The following SAMM50 variants were observed in gnomAD, a reference collection of about 807,000 sequenced individuals.
The protein encoded by SAMM50 is sorting and assembly machinery component 50 homolog.
Under a neutral mutation model 66.9 loss-of-function variants are expected in SAMM50, and 47 were observed. The observed-to-expected ratio is 0.70, with a 90% CI of 0.56 to 0.90. The LOEUF (loss-of-function observed/expected upper bound fraction) is 0.90, where lower values mean the gene tolerates loss of function less well. Among genes scored for constraint, SAMM50 ranks in the 40% least tolerant of loss-of-function variants. The pLI, the probability that SAMM50 is intolerant of heterozygous loss-of-function variation, is 0.00. For synonymous variants in SAMM50, 191 were observed against 214.1 expected, an observed-to-expected ratio of 0.89 and a Z score of 0.94; for missense variants, 535 against 595.3, an observed-to-expected ratio of 0.90 and a Z score of 1.05.
chr22:43,996,504 C>T lies in SAMM50; in HGVS notation c.*121C>T. On this transcript the variant is annotated 3_prime_UTR_variant, in exon 15 of 15. Transcript: ENST00000350028. ...TGACTGCGGACCCTGTGGGAAACCC[C>T]GTCAATAAATGTTAAAGACACACTC... 1 of 955,902 alleles carries T rather than the reference C, an allele frequency of 1.0e-6. No homozygotes were observed. The highest frequency in any genetic ancestry group is 1.7e-6 in the Non-Finnish European group (1 of 586,710). 59.2% of individuals were successfully genotyped at this position (955,902 alleles called of 1,614,324 possible). A position where few individuals can be genotyped will look rare whatever the true frequency, so the allele number is the denominator to read the frequency against.
Position 43,977,916 on chromosome 22 carries a change from A to T in SAMM50, c.894A>T (p.Glu298Asp). 4 of 1,613,490 alleles carry T rather than the reference A, an allele frequency of 2.5e-6. No homozygotes were observed. The highest frequency in any genetic ancestry group is 3.4e-6 in the Non-Finnish European group (4 of 1,179,704). Residue 298 changes from glutamate (E) to aspartate (D), a missense_variant, in exon 10 of 15, where the codon GAA (glutamate) becomes GAT (aspartate). Glu to Asp is a conservative substitution (Grantham distance 45, BLOSUM62 2). Transcript: ENST00000350028. ...YTGGDVSFIK[E>D]DFELQLNKQL... ...GCGGGGATGTGAGCTTCATCAAAGA[A>T]GATTTTGAACTTCAGTTGAACAAGC... is the stretch of plus-strand genomic sequence containing the variant.
rs764505285 is a variant in SAMM50, at chr22:43,973,203, C to G, written c.561-33C>G. ...TGTGTGCAAGTTCTAATCACTGTTTCAGCTTTTAAAGCTCTATCCCATTGT... is the reference window on the plus strand; with the variant it reads ...TGTGTGCAAGTTCTAATCACTGTTTGAGCTTTTAAAGCTCTATCCCATTGT... On this transcript the variant is annotated intron_variant, in intron 6 of 14. Coordinates refer to ENST00000350028, the MANE Select transcript of SAMM50 (RefSeq NM_015380.5). The G allele has an allele frequency of 3.8e-5, 54 of 1,424,624 alleles. No homozygotes were observed. In the East Asian group the frequency reaches 1.2e-3, roughly 31 times the overall value. 88.2% of individuals were successfully genotyped at this position (1,424,624 alleles called of 1,614,324 possible).
intron 1 of SAMM50, among the ~76,000 whole-genome samples, chr22:43,959,709 C>G (rs1238056951): frequency 1.3e-5 from 2 of 152,090 alleles, no homozygotes; most frequent in Non-Finnish European, 2.9e-5. Context: ...CAAACACTCA[C>G]CCCATGCCTA....
chr22:43,957,919 C>T (rs962979879), intron 1 of SAMM50, among the ~76,000 whole-genome samples: 8 of 152,002 alleles, frequency 5.3e-5, no homozygotes, highest in Admixed American at 3.9e-4. Context: ...CCACCATGTT[C>T]GGCTAATTTT....
At chr22:43,976,368 T>C (rs2050232209) in intron 8 of SAMM50, among the ~76,000 whole-genome samples, 185 bp downstream of exon 8, 1 of 152,190 alleles carries the variant, frequency 6.6e-6, no homozygotes, top group Non-Finnish European at 1.5e-5. Context: ...TTCCGAATAA[T>C]GTCAGTGGTA....
chr22:43,981,310 T>G, intron 10 of SAMM50, 81 bp from the exon 11 acceptor site: 1 of 1,074,442 alleles, frequency 9.3e-7, no homozygotes, highest in Non-Finnish European at 1.4e-6. Flanking sequence ...GCATTCAGTG[T>G]GTGGCCAGTT....
At chr22:43,988,247 G>A (rs1196992154) in intron 12 of SAMM50, 6 of 152,184 alleles carry the variant, frequency 3.9e-5, no homozygotes. Flanking sequence ...AGGGATTAAG[G>A]AGATGTTGGT....
In SAMM50 at chr22:43,987,587, T is replaced by G. The variant is rs940372843; in HGVS notation, c.1076-1524T>G. 3 of 152,310 alleles carry G rather than the reference T, an allele frequency of 2.0e-5. No homozygotes were observed. The South Asian group carries it at 6.2e-4, about 32-fold the overall frequency. The allele number at this position is 152,310 out of a possible 1,614,324, so 9.4% of individuals were successfully genotyped here. On this transcript the variant is annotated intron_variant, in intron 12 of 14. Coordinates refer to ENST00000350028, the MANE Select transcript of SAMM50 (RefSeq NM_015380.5). The stretch of plus-strand genomic sequence containing the variant: ...GTGCTTGGTTTCTTGGTCCTGGTGC[T>G]CTCTGGGCAGATGTGTTTCAGATAT...
rs541414480 is a variant in SAMM50 at position 43,973,065 on chromosome 22, T to C, written c.560+64T>C. 12 of 1,557,924 alleles carry C rather than the reference T, an allele frequency of 7.7e-6. No homozygotes were observed. The Admixed American group carries it at 1.4e-4, about 19-fold the overall frequency. On this transcript the variant is annotated intron_variant, in intron 6 of 14. Transcript: ENST00000350028. ...TAGAAAAGTTAAAATAGGTGGCTTA[T>C]TTGTGAAAAGAACCATGACAGAATC...
At chr22:43,958,723 C>T (rs533889282) in intron 1 of SAMM50, among the ~76,000 whole-genome samples, 11 of 152,084 alleles carry the variant, frequency 7.2e-5, no homozygotes, top group Admixed American at 2.0e-4. Flanking sequence ...GTGATCCACC[C>T]GCCTCAGCCT....
chr22:43,972,354 G>C lies in SAMM50; in HGVS notation c.429+12G>C. On this transcript the variant is annotated intron_variant, in intron 5 of 14. Transcript: ENST00000350028. ...ATGAAGGCAGTATGGTATGCTACAG[G>C]CTTTTTACTTTCTTATATTGGAACT... 1 of 1,469,752 alleles carries C rather than the reference G, an allele frequency of 6.8e-7. No homozygotes were observed. Among genetic ancestry groups the C allele is most frequent in the Non-Finnish European group, 9.2e-7 (1 of 1,083,396 alleles). 91.0% of individuals were successfully genotyped at this position (1,469,752 alleles called of 1,614,324 possible).
rs147696952 is a variant in SAMM50 at position 43,971,749 on chromosome 22, C to T, written c.323-487C>T. 7.3e-3 allele frequency among the ~76,000 whole-genome samples: 1,106 copies of T among 151,918 alleles called. 8 individuals carry two copies. Among genetic ancestry groups the T allele is most frequent in the African/African-American group, 0.025 (1,050 of 41,378 alleles). On this transcript the variant is annotated intron_variant, in intron 4 of 14. Coordinates refer to ENST00000350028, the MANE Select transcript of SAMM50 (RefSeq NM_015380.5). Reference sequence around the variant, plus strand: ...TTTTAGAGACAGGGTCTTGCTCTGTCGTCCGGGCTGGAATGCAGTGGCACA... The same window carrying T: ...TTTTAGAGACAGGGTCTTGCTCTGTTGTCCGGGCTGGAATGCAGTGGCACA...
At chr22:43,956,602 G>A (rs565274989) in intron 1 of SAMM50, among the ~76,000 whole-genome samples, 4 of 152,212 alleles carry the variant, frequency 2.6e-5, no homozygotes, top group Admixed American at 6.5e-5. Flanking sequence ...TTGCAGGGCC[G>A]CTGAACGAGG....
intron 14 of SAMM50, among the ~76,000 whole-genome samples, chr22:43,992,458 C>T (rs1488263672): frequency 6.6e-6 from 1 of 152,212 alleles, no homozygotes; most frequent in Non-Finnish European, 1.5e-5. Context: ...CCCACAACCG[C>T]CAGCTCCCAT....
intron 7 of SAMM50, 117 bp from the exon 8 acceptor site, chr22:43,975,938 A>T: frequency 1.9e-6 from 2 of 1,057,118 alleles, no homozygotes; most frequent in Non-Finnish European, 2.7e-6. Context: ...CTCTCTCATC[A>T]TTAAAAAAAA....
chr22:43,988,931 G>C, intron 12 of SAMM50, 180 bp from the exon 13 acceptor site: 1 of 518,908 alleles, frequency 1.9e-6, no homozygotes, highest in Non-Finnish European at 3.3e-6. Flanking sequence ...AGGAGAAAAA[G>C]AAAGATTATT....
chr22:43,978,074 C>G, intron 10 of SAMM50, 116 bp downstream of exon 10: 1 of 669,430 alleles, frequency 1.5e-6, no homozygotes, highest in East Asian at 2.9e-5. Flanking sequence ...GGCGGTAATG[C>G]TTAACCTTTG....
chr22:43,989,241 C>G lies in SAMM50; in HGVS notation c.1206C>G (p.Leu402=). Residue 402 remains leucine (L), a synonymous_variant, in exon 13 of 15, where the codon CTC becomes CTG. Coordinates refer to ENST00000350028, the MANE Select transcript of SAMM50 (RefSeq NM_015380.5). Reference sequence around the variant, plus strand: ...ACTTCTTTCTCAACGCAGGAAACCTCTGCAACCTCAACTATGGTAAAACTT... The same window carrying G: ...ACTTCTTTCTCAACGCAGGAAACCTGTGCAACCTCAACTATGGTAAAACTT... ...RTHFFLNAGN[L]CNLNYGEGPK... is the part of the protein sequence containing the mutation. 5 of 1,614,138 alleles carry G rather than the reference C, an allele frequency of 3.1e-6. No homozygotes were observed. The highest frequency in any genetic ancestry group is 4.2e-6 in the Non-Finnish European group (5 of 1,180,024).
chr22:43,974,440 C>T (rs988921247), intron 7 of SAMM50, among the ~76,000 whole-genome samples: 2 of 152,210 alleles, frequency 1.3e-5, no homozygotes, highest in Non-Finnish European at 2.9e-5. Flanking sequence ...GCTCCTGATG[C>T]GGCGCGTGGC....
Sources: gnomAD v4.1 joint callset for allele counts (sites outside exome capture counted in the v4.1 genomes callset) on GRCh38, gnomAD v4.1.1 for gene constraint, MANE v1.5 for transcripts, NCBI Gene and HGNC (gene_info 2026-07-23, HGNC 2026-07-21) for gene names.